RNF144B: variants seen among roughly 807,000 people sequenced by gnomAD.
RNF144B encodes the protein E3 ubiquitin-protein ligase RNF144B.
In RNF144B, 25 loss-of-function variants were observed where a neutral mutation model predicts 40.2. The ratio of observed to expected loss-of-function variants is 0.62; its 90% CI spans 0.45 to 0.87. The LOEUF (loss-of-function observed/expected upper bound fraction) is 0.87. Ranked by LOEUF, RNF144B falls within the 40% of genes least tolerant of loss-of-function variation. The pLI, the probability that RNF144B is intolerant of heterozygous loss-of-function variation, is 0.00. For synonymous variants in RNF144B, 145 were observed against 136.3 expected, an observed-to-expected ratio of 1.06 and a Z score of -0.44; for missense variants, 365 against 373.7, an observed-to-expected ratio of 0.98 and a Z score of 0.19.
chr6:18,388,389 A>G (rs1240543050), intron 1 of RNF144B, among the ~76,000 whole-genome samples: 1 of 152,214 alleles, frequency 6.6e-6, no homozygotes, highest in Non-Finnish European at 1.5e-5. Context: ...ATGGCAATGT[A>G]TCTAACATTT....
At position 18,419,913 on chromosome 6, in the gene RNF144B, T is replaced by C. The variant is rs1795222100; in HGVS notation, c.166-7668T>C. Among the ~76,000 whole-genome samples, 1 of 152,020 alleles carries C rather than the reference T, an allele frequency of 6.6e-6. No homozygotes were observed. Among genetic ancestry groups the C allele is most frequent in the South Asian group, 2.1e-4 (1 of 4,816 alleles). ...TATAGACAGGACAAAATTCAAGACA[T>C]AGGAAAGAAAACAGGTAATGAATAG... On this transcript the variant is annotated intron_variant, in intron 2 of 7. Coordinates refer to ENST00000259939, the MANE Select transcript of RNF144B (RefSeq NM_182757.4). This position sits in a 1 kb window ranked among gnomAD's most constrained non-coding sequence, Gnocchi z 4.6.
intron 4 of RNF144B, among the ~76,000 whole-genome samples, chr6:18,445,618 A>G (rs190537550): frequency 6.6e-6 from 1 of 152,308 alleles, no homozygotes; most frequent in Non-Finnish European, 1.5e-5. Context: ...TGTCAGAGTT[A>G]ACCACTTCTA....
intron 3 of RNF144B, among the ~76,000 whole-genome samples, chr6:18,437,866 A>G (rs547427595): frequency 6.6e-6 from 1 of 152,154 alleles, no homozygotes; most frequent in Non-Finnish European, 1.5e-5. Context: ...ACTGTATTTG[A>G]CATTTATATA....
chr6:18,387,752 G>A (rs963284584), intron 1 of RNF144B, 122 bp downstream of exon 1: 4 of 701,500 alleles, frequency 5.7e-6, no homozygotes, highest in Non-Finnish European at 6.2e-6. Flanking sequence ...TCTGTCTCTA[G>A]TGCTCAAACC....
At chr6:18,436,953 T>A (rs1305594929) in intron 3 of RNF144B, among the ~76,000 whole-genome samples, 1 of 151,522 alleles carries the variant, frequency 6.6e-6, no homozygotes, top group African/African-American at 2.4e-5. Flanking sequence ...ATAATAGAAA[T>A]ATTTCAGAAA....
chr6:18,408,596 A>G (rs1365396069), intron 2 of RNF144B, among the ~76,000 whole-genome samples: 1 of 152,118 alleles, frequency 6.6e-6, no homozygotes. Context: ...GGACTGGCTT[A>G]TGGAACAATG....
intron 1 of RNF144B, among the ~76,000 whole-genome samples, chr6:18,391,380 G>A (rs890147986): frequency 6.6e-6 from 1 of 152,156 alleles, no homozygotes; most frequent in African/African-American, 2.4e-5. Flanking sequence ...GCACAGTGGT[G>A]ATATTGAAGA....
chr6:18,402,666 A>C (rs1452656217), intron 2 of RNF144B, among the ~76,000 whole-genome samples: 1 of 152,172 alleles, frequency 6.6e-6, no homozygotes, highest in East Asian at 1.9e-4. Flanking sequence ...TTTTGAGTGG[A>C]ACATCTATTG....
At position 18,405,609 on chromosome 6, in the gene RNF144B, A is replaced by C. The variant is rs1020716922; in HGVS notation, c.165+5910A>C. On this transcript the variant is annotated intron_variant, in intron 2 of 7. Transcript: ENST00000259939. This position sits in a 1 kb window ranked among gnomAD's most constrained non-coding sequence, Gnocchi z 4.5. ...CATTAAGAGATTTAATGACAATACT[A>C]TGGTGACTTTTGTATTTATTGGTCA... 6.6e-6 allele frequency among the ~76,000 whole-genome samples: 1 copy of C among 152,202 alleles called. No individual in the cohort carries two copies.
Position 18,425,838 on chromosome 6 carries a change from G to A in RNF144B, c.166-1743G>A, listed in dbSNP as rs565747229. Among the ~76,000 whole-genome samples, 1 of 152,074 alleles carries A rather than the reference G, an allele frequency of 6.6e-6. No homozygotes were observed. Among genetic ancestry groups the A allele is most frequent in the South Asian group, 2.1e-4 (1 of 4,828 alleles). On this transcript the variant is annotated intron_variant, in intron 2 of 7. Transcript: ENST00000259939. The surrounding 1 kb of genome is among the most constrained non-coding windows in gnomAD (Gnocchi z 4.2). ...AACATTTATTTCAGTGTTCTATTTT[G>A]GGTATTTAGGTTATTTTCTAGTTTT...
intron 4 of RNF144B, among the ~76,000 whole-genome samples, chr6:18,449,747 T>A (rs1759168681): frequency 1.3e-5 from 2 of 151,846 alleles, no homozygotes; most frequent in Admixed American, 1.3e-4. Context: ...ACATATGCGT[T>A]ATCTATCTTA....
intron 2 of RNF144B, among the ~76,000 whole-genome samples, chr6:18,409,890 C>G (rs886406671): frequency 6.6e-6 from 1 of 151,992 alleles, no homozygotes; most frequent in African/African-American, 2.4e-5. Context: ...TTTTTTACTT[C>G]GATCATAGGC....
intron 2 of RNF144B, among the ~76,000 whole-genome samples, chr6:18,423,678 G>A (rs1758486054): frequency 6.6e-6 from 1 of 152,116 alleles, no homozygotes. Context: ...GACAATATGA[G>A]TCGTCTGGTT....
chr6:18,407,716 T>C (rs984385192), intron 2 of RNF144B, among the ~76,000 whole-genome samples: 1 of 152,238 alleles, frequency 6.6e-6, no homozygotes, highest in African/African-American at 2.4e-5. Context: ...GGTTGAAATC[T>C]AATTCTACTC....
chr6:18,387,871 A>G (rs187572409), intron 1 of RNF144B, among the ~76,000 whole-genome samples: 1 of 152,322 alleles, frequency 6.6e-6, no homozygotes, highest in East Asian at 1.9e-4. Flanking sequence ...TTTCTATAAT[A>G]GAATGTATTG....
chr6:18,397,919 A>G (rs973051498), intron 1 of RNF144B, among the ~76,000 whole-genome samples: 10 of 152,020 alleles, frequency 6.6e-5, no homozygotes, highest in African/African-American at 2.4e-4. Context: ...AATCTATAAA[A>G]TGGGGAAAAC....
rs549324557 is a variant in RNF144B, at chr6:18,459,027, C to G, written c.537-580C>G. Among the ~76,000 whole-genome samples, 17 of 152,288 alleles carry G rather than the reference C, an allele frequency of 1.1e-4. No homozygotes were observed. In the South Asian group the frequency reaches 3.3e-3, roughly 30 times the overall value. ...TGACAACACTCTGTGAGTTGGATAT[C>G]TCTGTGTGCTGGGTGGTGGTTTTGA... is the stretch of plus-strand genomic sequence containing the variant. On this transcript the variant is annotated intron_variant, in intron 5 of 7. Transcript: ENST00000259939. The surrounding 1 kb of genome is among the most constrained non-coding windows in gnomAD (Gnocchi z 4.2).
At chr6:18,438,717 G>A (rs1405267884) in intron 3 of RNF144B, among the ~76,000 whole-genome samples, 5 of 152,062 alleles carry the variant, frequency 3.3e-5, no homozygotes, top group African/African-American at 4.8e-5. Context: ...TTGCAAGAAC[G>A]TCAATGTAGG....
rs1759603444 is a variant in RNF144B at position 18,467,727 on chromosome 6, A to G, written c.*2660A>G. On this transcript the variant is annotated 3_prime_UTR_variant, in exon 8 of 8. Coordinates refer to ENST00000259939, the MANE Select transcript of RNF144B (RefSeq NM_182757.4). ...ATGATCATGGTTCACTTCAACCCCT[A>G]CCTCCTGGGCTCAAGTGTTCCTCTC... The G allele has an allele frequency of 6.6e-6, 1 of 150,906 alleles. No individual in the cohort carries two copies. The highest frequency in any genetic ancestry group is 2.1e-4 in the South Asian group (1 of 4,780). 9.3% of individuals were successfully genotyped at this position (150,906 alleles called of 1,614,324 possible).
Sources: allele counts gnomAD v4.1 joint callset (sites outside exome capture counted in the v4.1 genomes callset), GRCh38; gene constraint gnomAD v4.1.1; non-coding constraint Gnocchi (gnomAD v3.1); transcripts MANE v1.5; gene names NCBI Gene and HGNC (gene_info 2026-07-23, HGNC 2026-07-21).